The following WDR62 variants were observed in gnomAD, a reference collection of about 807,000 sequenced individuals.
WDR62 encodes WD repeat-containing protein 62.
Under a neutral mutation model 160.6 loss-of-function variants are expected in WDR62, and 112 were observed. The ratio of observed to expected loss-of-function variants is 0.70; its 90% CI spans 0.60 to 0.82. The LOEUF is 0.82. Ranked by LOEUF, WDR62 falls within the 40% of genes least tolerant of loss-of-function variation. The probability of loss-of-function intolerance (pLI) is 0.00; values close to 1 mark genes in which losing one functional copy is unlikely to be tolerated. For missense variants in WDR62, 1,819 were observed against 1,983.8 expected (o/e 0.92, Z 1.58); for synonymous variants, 792 against 815.1 (o/e 0.97, Z 0.48).
intron 7 of WDR62, among the ~76,000 whole-genome samples, 177 bp downstream of exon 7, chr19:36,068,187 G>A (rs1183123115): frequency 2.6e-5 from 4 of 152,108 alleles, no homozygotes; most frequent in East Asian, 1.9e-4. Flanking sequence ...TGCCCTCCCC[G>A]CAGAGCTGAT....
chr19:36,104,223 C>A (rs1457890981), intron 30 of WDR62, among the ~76,000 whole-genome samples: 1 of 152,214 alleles, frequency 6.6e-6, no homozygotes, highest in Non-Finnish European at 1.5e-5. Flanking sequence ...CCAGACTAAA[C>A]CTTTAAGGAA....
At position 36,067,964 on chromosome 19, in the gene WDR62, G is replaced by A. The variant is rs1971033478; in HGVS notation, c.836G>A (p.Cys279Tyr). Residue 279 changes from cysteine (C) to tyrosine (Y), a missense_variant, in exon 7 of 32, where the codon TGC becomes TAC. Around this residue, in one of 3 missense-constraint regions of WDR62, gnomAD observed 934 missense variants for 1,157.2 expected, o/e 0.81. Coordinates refer to ENST00000401500, the MANE Select transcript of WDR62 (RefSeq NM_001083961.2). Reference protein sequence around the residue: ...TFCVSYSGLLCQFNEKRVLEK... With the variant: ...TFCVSYSGLLYQFNEKRVLEK... ...TGTGTGTCCTACTCGGGCCTCCTCT[G>A]CCAGTTCAATGAGAAGAGGGTGCTG... 1 of 1,614,160 alleles carries A rather than the reference G, an allele frequency of 6.2e-7. No homozygotes were observed. The highest frequency in any genetic ancestry group is 8.5e-7 in the Non-Finnish European group (1 of 1,180,020).
chr19:36,071,729 G>A lies in WDR62; in HGVS notation c.1043+13G>A. The A allele has an allele frequency of 1.2e-6, 2 of 1,607,000 alleles. No homozygotes were observed. Among genetic ancestry groups the A allele is most frequent in the Non-Finnish European group, 1.7e-6 (2 of 1,174,770 alleles). ...GCCTGGAGCCCAGGTACTGCCCTGT[G>A]GGGAGAGGGAATGGGAGGGGCCCAC... is the stretch of plus-strand genomic sequence containing the variant. On this transcript the variant is annotated intron_variant, in intron 8 of 31. Transcript: ENST00000401500.
At chr19:36,062,670 A>C (rs1970715652) in intron 3 of WDR62, 2 of 151,238 alleles carry the variant, frequency 1.3e-5, no homozygotes, top group African/African-American at 2.4e-5. Flanking sequence ...AAAAAAAAAA[A>C]AAAAACTTAA....
rs528242409 is a variant in WDR62 at position 36,097,381 on chromosome 19, G to A, written c.2520+302G>A. Among the ~76,000 whole-genome samples, 30 of 152,302 alleles carry A rather than the reference G, an allele frequency of 2.0e-4. No individual in the cohort carries two copies. In the South Asian group the frequency reaches 5.8e-3, roughly 29 times the overall value. On this transcript the variant is annotated intron_variant, in intron 21 of 31. Coordinates refer to ENST00000401500, the MANE Select transcript of WDR62 (RefSeq NM_001083961.2). ...AATAAGTAAATGACGTAGTAGGTTG[G>A]GTGCTGATAAGTGCTGTGGAGGGAA...
intron 1 of WDR62, among the ~76,000 whole-genome samples, chr19:36,055,766 A>G (rs1970330403): frequency 1.3e-5 from 2 of 152,252 alleles, no homozygotes; most frequent in African/African-American, 4.8e-5. Flanking sequence ...ATGGAAAGAA[A>G]TGATTTCACA....
chr19:36,056,624 C>A (rs1251337087), intron 1 of WDR62, among the ~76,000 whole-genome samples: 1 of 152,146 alleles, frequency 6.6e-6, no homozygotes, highest in Non-Finnish European at 1.5e-5. Flanking sequence ...TAGCCTTTAT[C>A]TTATATGTTC....
intron 7 of WDR62, 38 bp downstream of exon 7, chr19:36,068,048 T>C (rs1971039529): frequency 1.3e-6 from 2 of 1,593,402 alleles, no homozygotes; most frequent in Middle Eastern, 3.3e-4. Flanking sequence ...GGACAGACTC[T>C]TTCTCGTGAT....
At chr19:36,060,128 A>G in intron 3 of WDR62, 98 bp downstream of exon 3, 1 of 1,225,638 alleles carries the variant, frequency 8.2e-7, no homozygotes. Flanking sequence ...GTAGGTGCTC[A>G]CTCATTCACT....
In WDR62 at chr19:36,083,355, G is replaced by A. The variant is rs529584060; in HGVS notation, c.1550+114G>A. 2.6e-5 allele frequency: 28 copies of A among 1,086,170 alleles called. No individual in the cohort carries two copies. The African/African-American group carries it at 3.4e-4, about 13-fold the overall frequency. The allele number at this position is 1,086,170 out of a possible 1,614,324, so 67.3% of individuals were successfully genotyped here. On this transcript the variant is annotated intron_variant, in intron 11 of 31. Coordinates refer to ENST00000401500, the MANE Select transcript of WDR62 (RefSeq NM_001083961.2). ...CTCCTGCTGCCCATTGGGAATGAGG[G>A]GCTGTGAATAGTAATCCCATGAACA...
downstream of WDR62, among the ~76,000 whole-genome samples, chr19:36,109,858 A>T (rs1367148934): frequency 6.6e-6 from 1 of 151,868 alleles, no homozygotes; most frequent in Admixed American, 6.6e-5. Context: ...GTTTGAGACC[A>T]GCCTGGCCAA....
rs1257954555 is a variant in WDR62, at chr19:36,060,045, G to T, written c.332+15G>T. On this transcript the variant is annotated intron_variant, in intron 3 of 31. Transcript: ENST00000401500. ...AACACCGCCAGGTAGGCTGAGGCCT[G>T]GGCCCGGGGCAGGGGTGGAACCAGG... 1.9e-6 allele frequency: 3 copies of T among 1,614,148 alleles called. No individual in the cohort carries two copies. The highest frequency in any genetic ancestry group is 2.5e-6 in the Non-Finnish European group (3 of 1,179,994).
chr19:36,097,174 C>T (rs1599833250), intron 21 of WDR62, 95 bp downstream of exon 21: 3 of 1,238,568 alleles, frequency 2.4e-6, no homozygotes, highest in East Asian at 4.9e-5. Flanking sequence ...CCATGTCCCT[C>T]TTTTCCCTGG....
intron 21 of WDR62, 74 bp from the exon 22 acceptor site, chr19:36,099,325 T>G (rs1973175816): frequency 7.9e-7 from 1 of 1,267,306 alleles, no homozygotes; most frequent in Non-Finnish European, 1.1e-6. Flanking sequence ...AGATGGGCTG[T>G]GTGAAATGTC....
intron 26 of WDR62, 155 bp from the exon 27 acceptor site, chr19:36,102,582 A>G: frequency 1.5e-6 from 1 of 667,992 alleles, no homozygotes; most frequent in Non-Finnish European, 2.6e-6. Context: ...TCTTGACCTG[A>G]GCCTCACGAT....
At chr19:36,091,351 C>A (rs1380991026) in intron 17 of WDR62, 40 bp downstream of exon 17, 8 of 1,598,172 alleles carry the variant, frequency 5.0e-6, no homozygotes, top group Non-Finnish European at 6.9e-6. Flanking sequence ...CCCCACCCGC[C>A]CACACCCTCT....
In WDR62 at chr19:36,104,776, C is replaced by T; in HGVS notation, c.4320C>T (p.Ser1440=). 6.2e-7 allele frequency: 1 copy of T among 1,613,728 alleles called. No homozygotes were observed. Among genetic ancestry groups the T allele is most frequent in the Non-Finnish European group, 8.5e-7 (1 of 1,180,036 alleles). ...EALDLYRVLV[S]SGQVDTGQQQ... ...GCTGGCATCCCTTGCAGTTGGTCTC[C>T]AGTGGCCAGGTGGACACCGGGCAGC... Residue 1440 remains serine (S), a synonymous_variant, in exon 32 of 32, where the codon TCC becomes TCT. Coordinates refer to ENST00000401500, the MANE Select transcript of WDR62 (RefSeq NM_001083961.2).
rs373342234 is a variant in WDR62, at chr19:36,102,117, C to T, written c.3186C>T (p.His1062=). The T allele has an allele frequency of 1.5e-5, 24 of 1,614,160 alleles. No homozygotes were observed. The highest frequency in any genetic ancestry group is 1.9e-5 in the Non-Finnish European group (23 of 1,180,050). ...CGGAGCAGGAGAAGTTCCTCCGCCA[C>T]CACTTTGAGACACTGACTGAGTCCC... ...QTPEQEKFLR[H]HFETLTESPC... The change falls in exon 26 of 32, where the codon CAC becomes CAT. Residue 1062 remains histidine (H), a synonymous_variant. Coordinates refer to ENST00000401500, the MANE Select transcript of WDR62 (RefSeq NM_001083961.2).
intron 18 of WDR62, among the ~76,000 whole-genome samples, chr19:36,091,946 A>C (rs1031628439): frequency 6.6e-6 from 1 of 151,958 alleles, no homozygotes; most frequent in Non-Finnish European, 1.5e-5. Context: ...TGTCACCTTG[A>C]GCAGGTTATT....
Sources: gnomAD v4.1 joint callset for allele counts (sites outside exome capture counted in the v4.1 genomes callset) on GRCh38, gnomAD v4.1.1 for gene constraint, gnomAD v4.1.1 regional missense constraint, MANE v1.5 for transcripts, NCBI Gene and HGNC (gene_info 2026-07-23, HGNC 2026-07-21) for gene names.